TIMM17A: variants seen among roughly 807,000 people sequenced by gnomAD.
TIMM17A encodes the protein mitochondrial import inner membrane translocase subunit Tim17-A.
A neutral mutation model predicts 26.5 loss-of-function variants in TIMM17A; 15 were observed. That is an observed-to-expected ratio of 0.57 (90% CI 0.38 to 0.87). The LOEUF (loss-of-function observed/expected upper bound fraction) is 0.87, where lower values mean the gene tolerates loss of function less well. TIMM17A is among the 40% of genes least tolerant of loss of function. The pLI, the probability that TIMM17A is intolerant of heterozygous loss-of-function variation, is 0.00. For missense variants in TIMM17A, 201 were observed against 210.0 expected (o/e 0.96, Z 0.27); for synonymous variants, 80 against 70.8 (o/e 1.13, Z -0.66).
chr1:201,966,920 GTA>G (rs1682638205), intron 5 of TIMM17A, among the ~76,000 whole-genome samples: 1 of 145,396 alleles, frequency 6.9e-6, no homozygotes, highest in African/African-American at 2.5e-5. Flanking sequence ...TATATAATAT[GTA>G]TGTTATATGT....
chr1:201,964,948 C>G (rs529063641), intron 4 of TIMM17A, among the ~76,000 whole-genome samples: 18 of 148,032 alleles, frequency 1.2e-4, no homozygotes, highest in Non-Finnish European at 3.0e-5. Context: ...GCGCCCGGCC[C>G]TATTTATTTA....
intron 5 of TIMM17A, among the ~76,000 whole-genome samples, chr1:201,967,036 AGT>A (rs1190195370): frequency 1.3e-4 from 10 of 79,952 alleles, no homozygotes; most frequent in Admixed American, 5.4e-4. Flanking sequence ...TAGTGAGGAT[AGT>A]AGTAGTGAAA....
chr1:201,969,307 A>G (rs1682690660), intron 5 of TIMM17A, among the ~76,000 whole-genome samples, 162 bp from the exon 6 acceptor site: 1 of 152,086 alleles, frequency 6.6e-6, no homozygotes, highest in South Asian at 2.1e-4. Context: ...GTTCTCCAGT[A>G]CTCTTATGGG....
intron 4 of TIMM17A, among the ~76,000 whole-genome samples, chr1:201,964,631 A>ATTT (rs1682590110): frequency 2.5e-5 from 2 of 80,238 alleles, no homozygotes; most frequent in Non-Finnish European, 4.7e-5. Context: ...ATTTTATTTT[A>ATTT]TTTCTTTTTT....
intron 3 of TIMM17A, among the ~76,000 whole-genome samples, chr1:201,961,011 A>C (rs760618797): frequency 6.6e-6 from 1 of 151,750 alleles, no homozygotes. Flanking sequence ...CAGCCTCCCA[A>C]AGTGCTGAGA....
intron 3 of TIMM17A, chr1:201,957,867 G>A (rs1049187701): frequency 2.4e-5 from 7 of 289,166 alleles, no homozygotes; most frequent in East Asian, 1.8e-4. Context: ...GGCCGGGCAC[G>A]GGGCTCACGC....
intron 3 of TIMM17A, among the ~76,000 whole-genome samples, chr1:201,960,059 A>T (rs1045415730): frequency 2.0e-5 from 3 of 152,054 alleles, no homozygotes; most frequent in African/African-American, 7.2e-5. Context: ...CAGAAAAAGG[A>T]CATTAGCAAA....
At position 201,969,640 on chromosome 1, in the gene TIMM17A, C is replaced by T; in HGVS notation, c.*86C>T. ...ATCAAGTTACAGTCTGTTTTTAAAA[C>T]CATAGGTGGGACAGCTATGGCCAAT... On this transcript the variant is annotated 3_prime_UTR_variant, in exon 6 of 6. Coordinates refer to ENST00000367287, the MANE Select transcript of TIMM17A (RefSeq NM_006335.3). 2.5e-6 allele frequency: 3 copies of T among 1,201,402 alleles called. No individual in the cohort carries two copies. Among genetic ancestry groups the T allele is most frequent in the Non-Finnish European group, 1.2e-6 (1 of 813,808 alleles). 74.4% of individuals were successfully genotyped at this position (1,201,402 alleles called of 1,614,324 possible).
chr1:201,956,366 T>C (rs1055112161), intron 1 of TIMM17A, among the ~76,000 whole-genome samples: 3 of 152,234 alleles, frequency 2.0e-5, no homozygotes, highest in Admixed American at 2.0e-4. Context: ...ATTTGTTTTA[T>C]TGTGTAAGAG....
In TIMM17A at chr1:201,959,649, G is replaced by A. The variant is rs552907739; in HGVS notation, c.190+2075G>A. 2.6e-5 allele frequency among the ~76,000 whole-genome samples: 4 copies of A among 152,084 alleles called. No homozygotes were observed. The East Asian group carries it at 7.7e-4, about 29-fold the overall frequency. ...AGCTTGGGTGATAGAGTGAGACGCT[G>A]TCTCAAAAAATAAATAAATAAATAA... On this transcript the variant is annotated intron_variant, in intron 3 of 5. Transcript: ENST00000367287.
At chr1:201,960,049 C>T (rs1307483603) in intron 3 of TIMM17A, among the ~76,000 whole-genome samples, 1 of 151,640 alleles carries the variant, frequency 6.6e-6, no homozygotes, top group Non-Finnish European at 1.5e-5. Flanking sequence ...TACTGTGGAA[C>T]AGAAAAAGGA....
At chr1:201,960,785 G>T (rs1387985949) in intron 3 of TIMM17A, among the ~76,000 whole-genome samples, 2 of 151,880 alleles carry the variant, frequency 1.3e-5, no homozygotes, top group African/African-American at 4.8e-5. Flanking sequence ...TTGAGATAGG[G>T]TCACCCAGGC....
chr1:201,966,979 A>G (rs1268296070), intron 5 of TIMM17A, among the ~76,000 whole-genome samples: 2 of 89,988 alleles, frequency 2.2e-5, no homozygotes, highest in Non-Finnish European at 4.5e-5. Flanking sequence ...TATATGTTGT[A>G]TATTATATAT....
At chr1:201,966,995 G>A (rs1033101290) in intron 5 of TIMM17A, among the ~76,000 whole-genome samples, 4 of 128,676 alleles carry the variant, frequency 3.1e-5, no homozygotes, top group African/African-American at 1.1e-4. Flanking sequence ...TATATGTTGT[G>A]TGTGTGTGTG....
chr1:201,967,946 A>C (rs1260475407), intron 5 of TIMM17A, among the ~76,000 whole-genome samples: 1 of 151,858 alleles, frequency 6.6e-6, no homozygotes, highest in Non-Finnish European at 1.5e-5. Context: ...TGTAGGGGGG[A>C]AATCTTTGAA....
intron 5 of TIMM17A, among the ~76,000 whole-genome samples, chr1:201,967,569 CAG>C (rs1432637965): frequency 5.6e-5 from 2 of 35,762 alleles, no homozygotes; most frequent in African/African-American, 8.9e-5. Flanking sequence ...TTTTTTGAAA[CAG>C]AATCTCTGTG....
chr1:201,961,769 A>G (rs1055386799), intron 3 of TIMM17A, among the ~76,000 whole-genome samples: 1 of 152,126 alleles, frequency 6.6e-6, no homozygotes, highest in African/African-American at 2.4e-5. Flanking sequence ...TCACAAGTTT[A>G]TATTGATATC....
At chr1:201,960,454 C>T (rs1682504938) in intron 3 of TIMM17A, among the ~76,000 whole-genome samples, 1 of 151,762 alleles carries the variant, frequency 6.6e-6, no homozygotes, top group South Asian at 2.1e-4. Context: ...GACAGATGCT[C>T]CATGCTAATG....
chr1:201,963,559 T>G, intron 3 of TIMM17A, 57 bp from the exon 4 acceptor site: 1 of 1,562,196 alleles, frequency 6.4e-7, no homozygotes. Flanking sequence ...TATAATATTT[T>G]AAATGGAAGA....
Sources: gnomAD v4.1 joint callset for allele counts (sites outside exome capture counted in the v4.1 genomes callset) on GRCh38, gnomAD v4.1.1 for gene constraint, MANE v1.5 for transcripts, NCBI Gene and HGNC (gene_info 2026-07-23, HGNC 2026-07-21) for gene names.